HMCES: variants seen among roughly 807,000 people sequenced by gnomAD.
HMCES encodes abasic site processing protein HMCES.
HMCES carries 27 observed loss-of-function variants against 35.1 expected under a neutral mutation model. The observed-to-expected ratio is 0.77, with a 90% confidence interval of 0.57 to 1.06. HMCES has a LOEUF of 1.06. Among genes scored for constraint, HMCES ranks in the 50% least tolerant of loss-of-function variants. HMCES has a pLI of 0.00. For synonymous variants in HMCES, 130 were observed against 154.7 expected (o/e 0.84, Z 1.18); for missense variants, 391 against 430.4 (o/e 0.91, Z 0.81).
rs542234196 is a variant in HMCES, at chr3:129,298,002, G to A, written c.454-352G>A. On this transcript the variant is annotated intron_variant, in intron 4 of 6. Coordinates refer to ENST00000383463, the MANE Select transcript of HMCES (RefSeq NM_020187.3). ...AGGACATTTTGGGCAGAGGAAGGTT[G>A]CTTCAGCAAGACACAGGAGCATGAA... Among the ~76,000 whole-genome samples the A allele has an allele frequency of 3.3e-5, 5 of 152,318 alleles. No homozygotes were observed. In the East Asian group the frequency reaches 7.7e-4, roughly 23 times the overall value.
intron 5 of HMCES, 91 bp downstream of exon 5, chr3:129,298,626 G>T: frequency 9.2e-7 from 1 of 1,084,816 alleles, no homozygotes. Flanking sequence ...AGGAAACCAA[G>T]TCATTTTACA....
At chr3:129,286,464 C>G (rs1046218937) in intron 2 of HMCES, among the ~76,000 whole-genome samples, 1 of 152,148 alleles carries the variant, frequency 6.6e-6, no homozygotes, top group African/African-American at 2.4e-5. Flanking sequence ...GTTACAAGCC[C>G]GTCCAGATTC....
intron 2 of HMCES, among the ~76,000 whole-genome samples, chr3:129,281,670 A>C (rs969167889): frequency 7.9e-5 from 12 of 151,576 alleles, no homozygotes; most frequent in African/African-American, 2.9e-4. Context: ...TGGCCTGGGC[A>C]ACAGAGTGAG....
chr3:129,285,915 A>T (rs1940627934), intron 2 of HMCES, among the ~76,000 whole-genome samples: 1 of 152,008 alleles, frequency 6.6e-6, no homozygotes, highest in Admixed American at 6.6e-5. Context: ...TTTTTAGGAA[A>T]GATGGGGTTT....
chr3:129,299,715 G>A (rs986224236), intron 5 of HMCES, among the ~76,000 whole-genome samples: 5 of 142,228 alleles, frequency 3.5e-5, no homozygotes, highest in Admixed American at 2.9e-4. Context: ...GCAGTGGTGC[G>A]ATCTCGGCTC....
At chr3:129,293,891 A>G (rs1347119764) in intron 4 of HMCES, among the ~76,000 whole-genome samples, 1 of 152,002 alleles carries the variant, frequency 6.6e-6, no homozygotes, top group Non-Finnish European at 1.5e-5. Flanking sequence ...TTTACACTAC[A>G]GATAGTTGGA....
At chr3:129,280,019 G>T in intron 2 of HMCES, 104 bp downstream of exon 2, 1 of 974,902 alleles carries the variant, frequency 1.0e-6, no homozygotes, top group African/African-American at 1.7e-5. Context: ...TTAAAAACCA[G>T]CCTTTACTGA....
intron 3 of HMCES, among the ~76,000 whole-genome samples, chr3:129,289,269 A>T (rs1444958635): frequency 6.6e-6 from 1 of 152,178 alleles, no homozygotes; most frequent in Non-Finnish European, 1.5e-5. Context: ...CTCATGTTGC[A>T]GTTAGATGGC....
rs772066045 is a variant in HMCES, at chr3:129,301,983, T to C, written c.669T>C (p.Val223=). 1 of 1,613,988 alleles carries C rather than the reference T, an allele frequency of 6.2e-7. No individual in the cohort carries two copies. The highest frequency in any genetic ancestry group is 1.7e-5 in the Admixed American group (1 of 59,994). ...CCATATTAGATGGAGAGGAGGCAGT[T>C]TCTAAATGGCTTGACTTTGGTGAAG... is the stretch of plus-strand genomic sequence containing the variant. ...MPAILDGEEA[V]SKWLDFGEVS... is the part of the protein sequence containing the mutation. The change falls in exon 6 of 7, where the codon GTT becomes GTC. Residue 223 remains valine (V), a synonymous_variant. Transcript: ENST00000383463.
At chr3:129,296,252 G>T (rs2071091630) in intron 4 of HMCES, among the ~76,000 whole-genome samples, 1 of 152,024 alleles carries the variant, frequency 6.6e-6, no homozygotes, top group Non-Finnish European at 1.5e-5. Context: ...GTAGAGACGG[G>T]GTTTGATAAG....
At position 129,290,674 on chromosome 3, in the gene HMCES, C is replaced by T; in HGVS notation, c.328-5C>T. The T allele has an allele frequency of 6.2e-7, 1 of 1,612,186 alleles. No individual in the cohort carries two copies. The highest frequency in any genetic ancestry group is 1.7e-4 in the Middle Eastern group (1 of 6,050). ...AGACCATATCTTGCTCACATTTTCC[C>T]TCAGGTGCCTCTGGGAAAGGGAAGA... On this transcript the variant is annotated splice_polypyrimidine_tract_variant and splice_region_variant and intron_variant, in intron 3 of 6. Transcript: ENST00000383463.
chr3:129,285,137 AT>A (rs1257730138), intron 2 of HMCES, among the ~76,000 whole-genome samples: 1 of 151,990 alleles, frequency 6.6e-6, no homozygotes, highest in Non-Finnish European at 1.5e-5. Flanking sequence ...TTTTACCCTA[AT>A]TTCTTCTTTT....
chr3:129,288,552 G>T (rs1482143675), intron 2 of HMCES, among the ~76,000 whole-genome samples: 1 of 133,546 alleles, frequency 7.5e-6, no homozygotes, highest in Non-Finnish European at 1.5e-5. Flanking sequence ...AAAATTAGCT[G>T]GGTATGGGGG....
At chr3:129,298,229 A>C (rs1037005605) in intron 4 of HMCES, 125 bp from the exon 5 acceptor site, 2 of 812,792 alleles carry the variant, frequency 2.5e-6, no homozygotes, top group African/African-American at 3.4e-5. Context: ...CAGAGGGGTT[A>C]ATAAGACGTG....
chr3:129,287,237 T>G (rs551483278), intron 2 of HMCES, among the ~76,000 whole-genome samples: 13 of 151,756 alleles, frequency 8.6e-5, no homozygotes, highest in South Asian at 4.2e-4. Context: ...GTTTTGTTTT[T>G]TTTGAGAGAA....
In HMCES at chr3:129,302,080, G is replaced by A. The variant is rs373554679; in HGVS notation, c.766G>A (p.Val256Met). The change falls in exon 6 of 7, where the codon GTG (valine) becomes ATG (methionine). Residue 256 changes from valine to methionine, a missense_variant. Transcript: ENST00000383463. ...CACCTTCCATGCAGTCTCTTCTGTG[G>A]TGAACAACTCGCGAAACAACACTCC... is the stretch of plus-strand genomic sequence containing the variant. Reference protein sequence around the residue: ...NITFHAVSSVVNNSRNNTPEC... With the variant: ...NITFHAVSSVMNNSRNNTPEC... 1.5e-5 allele frequency: 24 copies of A among 1,614,042 alleles called. 1 individual carries two copies. The South Asian group carries it at 2.3e-4, about 16-fold the overall frequency.
At chr3:129,295,170 A>AT (rs1488040193) in intron 4 of HMCES, among the ~76,000 whole-genome samples, 2 of 151,896 alleles carry the variant, frequency 1.3e-5, no homozygotes, top group Non-Finnish European at 2.9e-5. Context: ...AAAAAAAAAA[A>AT]AAAAAAATTC....
chr3:129,295,609 G>A (rs1276098923), intron 4 of HMCES, among the ~76,000 whole-genome samples: 1 of 152,038 alleles, frequency 6.6e-6, no homozygotes, highest in African/African-American at 2.4e-5. Context: ...ATAAGATTCT[G>A]GGTCAGTGGT....
intron 4 of HMCES, among the ~76,000 whole-genome samples, chr3:129,294,864 A>G (rs1047785349): frequency 6.6e-6 from 1 of 152,088 alleles, no homozygotes. Context: ...CTTTATTTTA[A>G]AAAATCATCA....
Sources: allele counts gnomAD v4.1 joint callset (sites outside exome capture counted in the v4.1 genomes callset), GRCh38; gene constraint gnomAD v4.1.1; transcripts MANE v1.5; gene names NCBI Gene and HGNC (gene_info 2026-07-23, HGNC 2026-07-21).